SLC7A11: variants seen among roughly 807,000 people sequenced by gnomAD.
SLC7A11 encodes the protein solute carrier family 7 member 11, also known as cystine/glutamate transporter.
Under a neutral mutation model 54.5 loss-of-function variants are expected in SLC7A11, and 35 were observed. The ratio of observed to expected loss-of-function variants is 0.64; its 90% CI spans 0.49 to 0.85. The LOEUF (loss-of-function observed/expected upper bound fraction) is 0.85. Ranked by LOEUF, SLC7A11 falls within the 40% of genes least tolerant of loss-of-function variation. The pLI is 0.00. For missense variants in SLC7A11, 583 were observed against 618.1 expected (o/e 0.94, Z 0.60); for synonymous variants, 230 against 225.2 (o/e 1.02, Z -0.19).
intron 3 of SLC7A11, 113 bp from the exon 4 acceptor site, chr4:138,223,437 G>C (rs1460559610): frequency 1.8e-6 from 2 of 1,131,042 alleles, no homozygotes; most frequent in Non-Finnish European, 2.5e-6. Flanking sequence ...ACATTACTTA[G>C]AAGTGTTTTA....
chr4:138,221,316 ACT>A (rs1394716667), intron 4 of SLC7A11, among the ~76,000 whole-genome samples: 3 of 152,160 alleles, frequency 2.0e-5, no homozygotes, highest in African/African-American at 7.2e-5. Context: ...AGTTCAACAA[ACT>A]CTCATAAGTG....
At position 138,169,089 on chromosome 4, in the gene SLC7A11, TTTATG is replaced by T. The variant is rs1209527273; in HGVS notation, c.*2862_*2866del. The T allele has an allele frequency of 4.6e-5, 7 of 152,282 alleles. No individual in the cohort carries two copies. The highest frequency in any genetic ancestry group is 2.1e-4 in the South Asian group (1 of 4,824). 9.4% of individuals were successfully genotyped at this position (152,282 alleles called of 1,614,324 possible). A position where few individuals can be genotyped will look rare whatever the true frequency, so the allele number is the denominator to read the frequency against. On this transcript the variant is annotated 3_prime_UTR_variant, in exon 12 of 12. Transcript: ENST00000280612. ...TAAACAGTATTCATTACTTTTACTG[TTTATG>T]TTATAATAAACTTATGTATATAAAC...
At chr4:138,209,684 C>G (rs543656280) in intron 6 of SLC7A11, among the ~76,000 whole-genome samples, 1 of 151,966 alleles carries the variant, frequency 6.6e-6, no homozygotes, top group South Asian at 2.1e-4. Context: ...TACATCTAAC[C>G]AAGGAAGTGA....
intron 6 of SLC7A11, among the ~76,000 whole-genome samples, chr4:138,208,799 C>CTTATG (rs10691284): frequency 0.98 from 149,102 of 152,024 alleles, 73,186 homozygotes; most frequent in East Asian, 1. Flanking sequence ...AGGCAATACT[C>CTTATG]TTATTATAAA....
Position 138,219,853 on chromosome 4 carries a change from C to T in SLC7A11, c.647-488G>A, listed in dbSNP as rs370223970. 2.6e-5 allele frequency among the ~76,000 whole-genome samples: 4 copies of T among 152,190 alleles called. No individual in the cohort carries two copies. The South Asian group carries it at 8.3e-4, about 32-fold the overall frequency. On this transcript the variant is annotated intron_variant, in intron 4 of 11. Coordinates refer to ENST00000280612, the MANE Select transcript of SLC7A11 (RefSeq NM_014331.4). ...ATTTACCTTTCTGCTTTCTGTTTAT[C>T]CCATGTTGTTCATTAGATGCCTACC...
At chr4:138,222,424 A>C (rs996468216) in intron 4 of SLC7A11, among the ~76,000 whole-genome samples, 2 of 152,176 alleles carry the variant, frequency 1.3e-5, no homozygotes, top group African/African-American at 4.8e-5. Flanking sequence ...TCATTCCTTT[A>C]CAATTTCTTC....
At chr4:138,185,393 G>A in intron 6 of SLC7A11, 149 bp from the exon 7 acceptor site, 4 of 864,158 alleles carry the variant, frequency 4.6e-6, no homozygotes, top group Non-Finnish European at 7.1e-6. Context: ...ATTTCATCAG[G>A]GCAAAAAACC....
chr4:138,201,515 A>G (rs899452771), intron 6 of SLC7A11, among the ~76,000 whole-genome samples: 7 of 152,126 alleles, frequency 4.6e-5, no homozygotes, highest in Non-Finnish European at 8.8e-5. Flanking sequence ...TTCTTGAAAA[A>G]CAACCTCCAG....
Position 138,241,944 on chromosome 4 carries a change from C to T in SLC7A11, c.126G>A (p.Arg42=). The T allele has an allele frequency of 6.2e-7, 1 of 1,614,110 alleles. No homozygotes were observed. Among genetic ancestry groups the T allele is most frequent in the Non-Finnish European group, 8.5e-7 (1 of 1,180,008 alleles). ...AGACTCCCCTCAGTAAAGTGACTTT[C>T]CTCTTCAGCTGCACTTTCTCCTGCC... ...PPGQEKVQLK[R]KVTLLRGVSI... The change falls in exon 1 of 12, where the codon AGG becomes AGA. Residue 42 remains arginine, a synonymous_variant. Coordinates refer to ENST00000280612, the MANE Select transcript of SLC7A11 (RefSeq NM_014331.4).
intron 6 of SLC7A11, among the ~76,000 whole-genome samples, chr4:138,200,197 C>T (rs904077050): frequency 1.3e-5 from 2 of 152,000 alleles, no homozygotes; most frequent in Non-Finnish European, 2.9e-5. Context: ...TTAAATATTG[C>T]CTCCACAAAT....
intron 4 of SLC7A11, among the ~76,000 whole-genome samples, chr4:138,222,591 A>G (rs998903659): frequency 6.6e-6 from 1 of 152,222 alleles, no homozygotes. Context: ...TTTAAATTAA[A>G]TGTTAAACTC....
At chr4:138,208,958 G>GTC (rs1321686544) in intron 6 of SLC7A11, among the ~76,000 whole-genome samples, 2 of 151,924 alleles carry the variant, frequency 1.3e-5, no homozygotes, top group Non-Finnish European at 2.9e-5. Context: ...GCCCACCTTT[G>GTC]TCTCTCATTC....
chr4:138,173,980 G>A (rs1023145017), intron 11 of SLC7A11, among the ~76,000 whole-genome samples: 8 of 152,130 alleles, frequency 5.3e-5, no homozygotes, highest in South Asian at 2.1e-4. Flanking sequence ...CTAGGGATAC[G>A]TGACAGTAGT....
At chr4:138,225,138 CTATATATATA>C (rs36216785) in intron 3 of SLC7A11, among the ~76,000 whole-genome samples, 5,046 of 118,314 alleles carry the variant, frequency 0.043, 263 homozygotes, top group African/African-American at 0.11. Flanking sequence ...AATAATTTCA[CTATATATATA>C]TATATATATA....
intron 6 of SLC7A11, among the ~76,000 whole-genome samples, chr4:138,199,955 A>G (rs1737238236): frequency 6.6e-6 from 1 of 152,066 alleles, no homozygotes; most frequent in Admixed American, 6.6e-5. Flanking sequence ...ATAGCTAAAC[A>G]CTTACATACA....
Position 138,232,367 on chromosome 4 carries a change from A to G in SLC7A11, c.420T>C (p.Ala140=). 1 of 1,607,354 alleles carries G rather than the reference A, an allele frequency of 6.2e-7. No homozygotes were observed. The highest frequency in any genetic ancestry group is 8.5e-7 in the Non-Finnish European group (1 of 1,173,954). The change falls in exon 3 of 12, where the codon GCT becomes GCC. Residue 140 remains alanine (A), a synonymous_variant. Transcript: ENST00000280612. ...AGCGTCCAAATGCCAGGGATATCAC[A>G]GCAGTAGCTGCAGGGCTAAAAAAAA... ...ELLIIRPAAT[A]VISLAFGRYI... is the part of the protein sequence containing the mutation.
At chr4:138,199,587 A>G (rs1283328504) in intron 6 of SLC7A11, among the ~76,000 whole-genome samples, 1 of 152,158 alleles carries the variant, frequency 6.6e-6, no homozygotes, top group African/African-American at 2.4e-5. Context: ...CGCATAGATC[A>G]GAGGCAGGGA....
In SLC7A11 at chr4:138,167,504, G is replaced by T. The variant is rs1466693496; in HGVS notation, c.*4452C>A. Reference sequence around the variant, plus strand: ...ACTAATAAACTAAGGACTACCTAGAGATCACACTTTTAGATATTATCTATT... The same window carrying T: ...ACTAATAAACTAAGGACTACCTAGATATCACACTTTTAGATATTATCTATT... On this transcript the variant is annotated 3_prime_UTR_variant, in exon 12 of 12. Coordinates refer to ENST00000280612, the MANE Select transcript of SLC7A11 (RefSeq NM_014331.4). The T allele has an allele frequency of 6.6e-6, 1 of 152,078 alleles. No homozygotes were observed. The highest frequency in any genetic ancestry group is 1.5e-5 in the Non-Finnish European group (1 of 68,018). The allele number at this position is 152,078 out of a possible 1,614,324, so 9.4% of individuals were successfully genotyped here.
chr4:138,212,045 A>G (rs1416243626), intron 6 of SLC7A11, among the ~76,000 whole-genome samples: 1 of 151,902 alleles, frequency 6.6e-6, no homozygotes, highest in Non-Finnish European at 1.5e-5. Flanking sequence ...CTCAACACAA[A>G]AAAAGATACA....
Sources: gnomAD v4.1 joint callset for allele counts (sites outside exome capture counted in the v4.1 genomes callset) on GRCh38, gnomAD v4.1.1 for gene constraint, MANE v1.5 for transcripts, NCBI Gene and HGNC (gene_info 2026-07-23, HGNC 2026-07-21) for gene names.